Variants in SIPA1L3 observed in about 807,000 individuals in gnomAD.
SIPA1L3 encodes signal induced proliferation associated 1 like 3.
SIPA1L3 carries 59 observed loss-of-function variants against 150.1 expected under a neutral mutation model. That is an observed-to-expected ratio of 0.39 (90% CI 0.32 to 0.49). The LOEUF (loss-of-function observed/expected upper bound fraction) is 0.49. SIPA1L3 is among the 20% of genes least tolerant of loss of function. The probability of loss-of-function intolerance (pLI) is 0.86; values close to 1 mark genes in which losing one functional copy is unlikely to be tolerated. For synonymous variants in SIPA1L3, 1,070 were observed against 1,077.6 expected (o/e 0.99, Z 0.14); for missense variants, 2,211 against 2,489.5 (o/e 0.89, Z 2.38).
At chr19:37,927,786 A>G (rs1568466957) in intron 1 of SIPA1L3, among the ~76,000 whole-genome samples, 1 of 151,890 alleles carries the variant, frequency 6.6e-6, no homozygotes, top group Non-Finnish European at 1.5e-5. Context: ...TAGAAGTAAG[A>G]ACATTGGATA....
At chr19:37,969,849 C>T (rs922032574) in intron 1 of SIPA1L3, among the ~76,000 whole-genome samples, 3 of 152,060 alleles carry the variant, frequency 2.0e-5, no homozygotes, top group Non-Finnish European at 2.9e-5. Flanking sequence ...TAAACTAGGC[C>T]GCTTGTTATT....
intron 2 of SIPA1L3, among the ~76,000 whole-genome samples, chr19:38,079,178 A>G (rs1002935325): frequency 1.3e-5 from 2 of 152,138 alleles, no homozygotes; most frequent in Non-Finnish European, 2.9e-5. Context: ...TAAAAATACA[A>G]AAAAATTAGC....
At position 38,100,134 on chromosome 19, in the gene SIPA1L3, A is replaced by G. The variant is rs1484968643; in HGVS notation, c.1838A>G (p.Lys613Arg). The G allele has an allele frequency of 6.3e-7, 1 of 1,587,340 alleles. No homozygotes were observed. Among genetic ancestry groups the G allele is most frequent in the African/African-American group, 1.4e-5 (1 of 73,430 alleles). ...CCCAAGGTGACGGAGCAACTGCTGA[A>G]GCTCGATGAGCAAGGGGTGAGTCAG... ...NTPKVTEQLL[K>R]LDEQGLCRKH... Residue 613 changes from lysine (K) to arginine (R), a missense_variant, in exon 5 of 22, where the codon AAG becomes AGG. By Grantham distance (26) the Lys-to-Arg change is conservative (BLOSUM62 2). This residue lies in a region of SIPA1L3 where 625 missense variants were observed against 804.2 expected (regional missense o/e 0.78). Transcript: ENST00000222345.
At chr19:37,917,333 C>T (rs374559234) in intron 1 of SIPA1L3, among the ~76,000 whole-genome samples, 12 of 152,212 alleles carry the variant, frequency 7.9e-5, no homozygotes, top group African/African-American at 2.9e-4. Flanking sequence ...TCTGACATGC[C>T]ACTCCTGTTT....
chr19:38,154,034 C>T (rs1161497268), intron 13 of SIPA1L3, among the ~76,000 whole-genome samples: 1 of 152,204 alleles, frequency 6.6e-6, no homozygotes, highest in Non-Finnish European at 1.5e-5. Context: ...CTAGCCTCTC[C>T]AAACCCCCAT....
At chr19:38,183,560 T>G (rs546983520) in intron 16 of SIPA1L3, among the ~76,000 whole-genome samples, 1 of 152,200 alleles carries the variant, frequency 6.6e-6, no homozygotes, top group African/African-American at 2.4e-5. Flanking sequence ...CCTGGATGCT[T>G]CGGTGCGAGA....
chr19:37,927,311 C>A (rs990513646), intron 1 of SIPA1L3, among the ~76,000 whole-genome samples: 11 of 151,926 alleles, frequency 7.2e-5, no homozygotes, highest in African/African-American at 2.4e-4. Context: ...CCATGCCCGG[C>A]TAAACTTTTT....
chr19:38,107,202 G>C (rs1395273610), intron 7 of SIPA1L3, among the ~76,000 whole-genome samples: 1 of 152,208 alleles, frequency 6.6e-6, no homozygotes, highest in East Asian at 1.9e-4. Flanking sequence ...CAGAAAGAGT[G>C]CTGTTTTTTC....
At chr19:38,129,847 A>G (rs948020780) in intron 9 of SIPA1L3, among the ~76,000 whole-genome samples, 3 of 152,022 alleles carry the variant, frequency 2.0e-5, no homozygotes, top group Non-Finnish European at 4.4e-5. Context: ...CAGGTGGATC[A>G]TCTGAGGTCA....
rs1275187790 is a variant in SIPA1L3 at position 38,082,308 on chromosome 19, C to T, written c.743C>T (p.Pro248Leu). ...LTELLRADPGPHLMGGGGGAK... is the reference protein window; with the variant it reads ...LTELLRADPGLHLMGGGGGAK... ...GAGCTCCTCCGGGCAGATCCTGGCC[C>T]ACACCTCATGGGGGGCGGCGGCGGA... Residue 248 changes from proline (P) to leucine (L), a missense_variant, in exon 3 of 22, where the codon CCA becomes CTA. By Grantham distance (98) the Pro-to-Leu change is moderately conservative. Coordinates refer to ENST00000222345, the MANE Select transcript of SIPA1L3 (RefSeq NM_015073.3). 1 of 1,599,464 alleles carries T rather than the reference C, an allele frequency of 6.3e-7. No homozygotes were observed. Among genetic ancestry groups the T allele is most frequent in the Non-Finnish European group, 8.5e-7 (1 of 1,179,226 alleles).
intron 5 of SIPA1L3, 106 bp downstream of exon 5, chr19:38,100,256 C>A (rs1970471570): frequency 2.3e-6 from 2 of 866,630 alleles, no homozygotes; most frequent in Admixed American, 3.8e-5. Flanking sequence ...TTGCAAGTAA[C>A]AGAAACCTAC....
intron 1 of SIPA1L3, among the ~76,000 whole-genome samples, chr19:37,961,591 T>C (rs189218039): frequency 7.9e-5 from 12 of 152,340 alleles, no homozygotes; most frequent in African/African-American, 2.6e-4. Context: ...TTGTGTCCAG[T>C]GTGGCTCTCT....
intron 10 of SIPA1L3, among the ~76,000 whole-genome samples, chr19:38,139,913 G>T (rs1260039059): frequency 6.6e-6 from 1 of 152,084 alleles, no homozygotes; most frequent in Non-Finnish European, 1.5e-5. Context: ...GTCCACTCCC[G>T]CAAGCCCTTT....
intron 13 of SIPA1L3, among the ~76,000 whole-genome samples, chr19:38,158,121 G>A (rs111885662): frequency 6.6e-6 from 1 of 151,986 alleles, no homozygotes; most frequent in African/African-American, 2.4e-5. Context: ...TAATCCCAGC[G>A]GCTCGGGAGG....
At chr19:38,070,222 A>G (rs889709032) in intron 2 of SIPA1L3, among the ~76,000 whole-genome samples, 3 of 139,098 alleles carry the variant, frequency 2.2e-5, no homozygotes, top group Admixed American at 1.5e-4. Flanking sequence ...CTATCTATCT[A>G]TTTTTGAGAC....
At chr19:37,942,525 G>A (rs2046668901) in intron 1 of SIPA1L3, among the ~76,000 whole-genome samples, 1 of 135,828 alleles carries the variant, frequency 7.4e-6, no homozygotes, top group Non-Finnish European at 1.6e-5. Flanking sequence ...TGGGGTGGGG[G>A]TGGGAAGGAG....
chr19:37,910,726 T>G (rs1331798161), intron 1 of SIPA1L3, among the ~76,000 whole-genome samples: 2 of 152,154 alleles, frequency 1.3e-5, no homozygotes, highest in African/African-American at 2.4e-5. Context: ...TGCCTCAGCC[T>G]CCTGAGTATC....
intron 9 of SIPA1L3, among the ~76,000 whole-genome samples, chr19:38,123,423 T>C (rs1027516798): frequency 1.5e-4 from 22 of 149,440 alleles, no homozygotes; most frequent in African/African-American, 4.7e-4. Flanking sequence ...CCTTCCGCAG[T>C]GTTTGTGTCC....
At chr19:38,140,605 G>A (rs1344470463) in intron 10 of SIPA1L3, among the ~76,000 whole-genome samples, 1 of 152,126 alleles carries the variant, frequency 6.6e-6, no homozygotes, top group Non-Finnish European at 1.5e-5. Context: ...AGGTAGAAGC[G>A]AGGGGCGGGA....
Sources: gnomAD v4.1 joint callset for allele counts (sites outside exome capture counted in the v4.1 genomes callset) on GRCh38, gnomAD v4.1.1 for gene constraint, gnomAD v4.1.1 regional missense constraint, MANE v1.5 for transcripts, NCBI Gene and HGNC (gene_info 2026-07-23, HGNC 2026-07-21) for gene names.